EYA3: variants seen among roughly 807,000 people sequenced by gnomAD.
EYA3 encodes the protein EYA transcriptional coactivator and phosphatase 3, also known as protein phosphatase EYA3.
In EYA3, 39 loss-of-function variants were observed where a neutral mutation model predicts 80.0. The observed-to-expected ratio is 0.49, with a 90% CI of 0.38 to 0.64. The LOEUF (loss-of-function observed/expected upper bound fraction) is 0.64, where lower values mean the gene tolerates loss of function less well. Ranked by LOEUF, EYA3 falls within the 30% of genes least tolerant of loss-of-function variation. The pLI, the probability that EYA3 is intolerant of heterozygous loss-of-function variation, is 0.00. For synonymous variants in EYA3, 206 were observed against 232.8 expected (o/e 0.88, Z 1.05); for missense variants, 523 against 676.1 (o/e 0.77, Z 2.51).
intron 3 of EYA3, among the ~76,000 whole-genome samples, chr1:28,043,342 A>C (rs1322298767): frequency 7.0e-6 from 1 of 143,308 alleles, no homozygotes; most frequent in Non-Finnish European, 1.6e-5. Context: ...AAAAAAAAAA[A>C]AAAACGTGAA....
chr1:28,076,011 A>C (rs146397266), intron 1 of EYA3, among the ~76,000 whole-genome samples: 4 of 152,220 alleles, frequency 2.6e-5, no homozygotes, highest in Non-Finnish European at 5.9e-5. Flanking sequence ...CACTCAGCTA[A>C]CCTCTCTTAA....
chr1:28,034,150 T>A (rs1351103131), intron 6 of EYA3, among the ~76,000 whole-genome samples: 1 of 151,928 alleles, frequency 6.6e-6, no homozygotes, highest in Non-Finnish European at 1.5e-5. Flanking sequence ...ATATCTAGGA[T>A]CCATATGCAC....
Position 28,038,902 on chromosome 1 carries a change from A to C in EYA3, c.161T>G (p.Met54Arg). Reference sequence around the variant, plus strand: ...GCGAGGGATGTAATCGGTGCATGTCATAACTGAAAGAAAGATAATATCACC... The same window carrying C: ...GCGAGGGATGTAATCGGTGCATGTCCTAACTGAAAGAAAGATAATATCACC... ...ASNLPMSEEI[M>R]TCTDYIPRSS... Residue 54 changes from methionine (M) to arginine (R), a missense_variant, in exon 5 of 18, where the codon ATG becomes AGG. Physicochemically the swap from Met to Arg is moderately conservative, Grantham distance 91. Coordinates refer to ENST00000373871, the MANE Select transcript of EYA3 (RefSeq NM_001990.4). The C allele has an allele frequency of 6.3e-7, 1 of 1,591,454 alleles. No homozygotes were observed. Among genetic ancestry groups the C allele is most frequent in the South Asian group, 1.1e-5 (1 of 87,228 alleles).
At chr1:28,043,547 A>G (rs1482093644) in intron 3 of EYA3, among the ~76,000 whole-genome samples, 1 of 152,094 alleles carries the variant, frequency 6.6e-6, no homozygotes, top group African/African-American at 2.4e-5. Context: ...TTTTCAAATT[A>G]CACGTTTGGG....
At chr1:27,985,572 A>G (rs1424467823) in intron 16 of EYA3, among the ~76,000 whole-genome samples, 2 of 151,900 alleles carry the variant, frequency 1.3e-5, no homozygotes, top group Non-Finnish European at 2.9e-5. Context: ...ATTCTTCTCT[A>G]TCTCTACTCA....
chr1:28,078,367 A>T (rs939817851), intron 1 of EYA3, among the ~76,000 whole-genome samples: 9 of 152,194 alleles, frequency 5.9e-5, no homozygotes, highest in African/African-American at 1.9e-4. Context: ...CCTGAGCAAT[A>T]TAACATTAAA....
At chr1:27,980,895 T>C (rs1013290423) in intron 16 of EYA3, among the ~76,000 whole-genome samples, 1 of 152,076 alleles carries the variant, frequency 6.6e-6, no homozygotes, top group Non-Finnish European at 1.5e-5. Flanking sequence ...AAAAATTAGC[T>C]GGGTATGGTG....
intron 16 of EYA3, among the ~76,000 whole-genome samples, chr1:27,981,349 C>A (rs1639288890): frequency 6.6e-6 from 1 of 152,112 alleles, no homozygotes; most frequent in Admixed American, 6.6e-5. Context: ...GGAATGAGAT[C>A]ATTTCCATTA....
intron 3 of EYA3, among the ~76,000 whole-genome samples, chr1:28,046,632 T>C (rs1356107598): frequency 2.6e-5 from 4 of 152,138 alleles, no homozygotes; most frequent in Non-Finnish European, 4.4e-5. Flanking sequence ...TTAGATCTTA[T>C]CATGAATAGA....
intron 3 of EYA3, 148 bp from the exon 4 acceptor site, chr1:28,042,798 T>G (rs1019428694): frequency 3.0e-6 from 2 of 656,984 alleles, no homozygotes; most frequent in Non-Finnish European, 5.5e-6. Flanking sequence ...TTTTAACAAC[T>G]ACTTGAAGAG....
Position 28,012,069 on chromosome 1 carries a change from T to C in EYA3, c.770-983A>G, listed in dbSNP as rs145243934. On this transcript the variant is annotated intron_variant, in intron 9 of 17. Transcript: ENST00000373871. ...AACTTTTAAAGATGGGATAATGCCA[T>C]TGTGGTTATGTTAATAAGTACCATA... Among the ~76,000 whole-genome samples the C allele has an allele frequency of 6.8e-4, 103 of 152,246 alleles. 1 individual carries two copies. In the East Asian group the frequency reaches 0.018, roughly 27 times the overall value.
At chr1:27,989,327 A>T (rs12759760) in intron 15 of EYA3, among the ~76,000 whole-genome samples, 26,821 of 152,048 alleles carry the variant, frequency 0.18, 2,999 homozygotes, top group East Asian at 0.25. Flanking sequence ...TGCCTTCTTT[A>T]GTGGGTTTGG....
In EYA3 at chr1:28,027,791, T is replaced by C. The variant is rs1291936796; in HGVS notation, c.497A>G (p.Gln166Arg). Residue 166 changes from glutamine to arginine, a missense_variant and splice_region_variant, in exon 7 of 18, where the codon CAA (glutamine) becomes CGA (arginine). Around this residue, in one of 2 missense-constraint regions of EYA3, gnomAD observed 304 missense variants for 343.3 expected, o/e 0.89. Transcript: ENST00000373871. ...PSPAHYSYPIQASSTNASLIS... is the reference protein window; with the variant it reads ...PSPAHYSYPIRASSTNASLIS... ...CACACACAACCATGCCTATTTACCT[T>C]GAATGGGATAAGAATAATGTGCTGG... The C allele has an allele frequency of 1.2e-6, 2 of 1,614,076 alleles. No homozygotes were observed. Among genetic ancestry groups the C allele is most frequent in the South Asian group, 1.1e-5 (1 of 91,066 alleles).
chr1:28,044,697 A>C (rs1323098857), intron 3 of EYA3, among the ~76,000 whole-genome samples: 2 of 152,190 alleles, frequency 1.3e-5, no homozygotes, highest in Non-Finnish European at 2.9e-5. Flanking sequence ...TTCTCGTATC[A>C]TTTCTGAAAC....
At chr1:27,989,052 T>C (rs1557531467) in intron 15 of EYA3, among the ~76,000 whole-genome samples, 1 of 152,246 alleles carries the variant, frequency 6.6e-6, no homozygotes, top group East Asian at 1.9e-4. Context: ...AAATGAGATA[T>C]GATTTGTGTT....
chr1:28,056,311 C>T (rs1220641859), intron 2 of EYA3, among the ~76,000 whole-genome samples: 2 of 143,130 alleles, frequency 1.4e-5, no homozygotes, highest in Admixed American at 7.0e-5. Context: ...TCAAACTAGT[C>T]AACGCTAAGC....
At chr1:28,030,473 G>A (rs569520355) in intron 6 of EYA3, among the ~76,000 whole-genome samples, 21 of 152,206 alleles carry the variant, frequency 1.4e-4, no homozygotes, top group African/African-American at 5.1e-4. Flanking sequence ...TTTTTGCAGA[G>A]ACAAGGTTTT....
rs556294563 is a variant in EYA3, at chr1:28,028,345, A to G, written c.362-419T>C. ...AAGTTTAAAATTCACTTACCCATTA[A>G]ACAAGGACCAAATTTTTCTAAAATA... is the stretch of plus-strand genomic sequence containing the variant. On this transcript the variant is annotated intron_variant, in intron 6 of 17. Transcript: ENST00000373871. Among the ~76,000 whole-genome samples the G allele has an allele frequency of 1.6e-4, 25 of 152,270 alleles. No individual in the cohort carries two copies. In the South Asian group the frequency reaches 5.2e-3, roughly 32 times the overall value.
rs375595869 is a variant in EYA3 at position 28,038,929 on chromosome 1, G to A, written c.158-24C>T. On this transcript the variant is annotated intron_variant, in intron 4 of 17. Transcript: ENST00000373871. ...AACTGAAAGAAAGATAATATCACCA[G>A]GTTAAAAAGTTAGAACATTTCGAAA... The A allele has an allele frequency of 2.1e-5, 32 of 1,549,598 alleles. No individual in the cohort carries two copies. In the African/African-American group the frequency reaches 2.4e-4, roughly 12 times the overall value.
Sources: allele counts gnomAD v4.1 joint callset (sites outside exome capture counted in the v4.1 genomes callset), GRCh38; gene constraint gnomAD v4.1.1; regional missense constraint gnomAD v4.1.1; transcripts MANE v1.5; gene names NCBI Gene and HGNC (gene_info 2026-07-23, HGNC 2026-07-21).